VPS13D: variants seen among roughly 807,000 people sequenced by gnomAD.
VPS13D encodes the protein intermembrane lipid transfer protein VPS13D.
In VPS13D, 187 loss-of-function variants were observed where a neutral mutation model predicts 461.9. The ratio of observed to expected loss-of-function variants is 0.40; its 90% CI spans 0.36 to 0.46. The LOEUF is 0.46. VPS13D is among the 20% of genes least tolerant of loss of function. VPS13D has a pLI of 0.60. For missense variants in VPS13D, 4,711 were observed against 5,364.9 expected, an observed-to-expected ratio of 0.88 and a Z score of 3.81; for synonymous variants, 1,951 against 1,986.3, an observed-to-expected ratio of 0.98 and a Z score of 0.47.
intron 60 of VPS13D, among the ~76,000 whole-genome samples, chr1:12,390,138 T>TG (rs1390195027): frequency 6.6e-6 from 1 of 152,240 alleles, no homozygotes; most frequent in Non-Finnish European, 1.5e-5. Context: ...GGAGAACTAA[T>TG]GTTGCAGGAA....
In VPS13D at chr1:12,386,190, T is replaced by C. The variant is rs1256639218; in HGVS notation, c.11490T>C (p.Leu3830=). 6.2e-7 allele frequency: 1 copy of C among 1,610,408 alleles called. No homozygotes were observed. Among genetic ancestry groups the C allele is most frequent in the Admixed American group, 1.7e-5 (1 of 59,348 alleles). The change falls in exon 60 of 70, where the codon CTT becomes CTC. Residue 3830 remains leucine, a synonymous_variant. Coordinates refer to ENST00000620676, the MANE Select transcript of VPS13D (RefSeq NM_015378.4). ...NPDTEQELEV[L]VRLEGGIGLS... ...ATATTTTGGTTTCCTTTCAGGTGCT[T>C]GTGAGGTTAGAAGGTGGAATTGGGT...
At position 12,267,022 on chromosome 1, in the gene VPS13D, C is replaced by T. The variant is rs1641293216; in HGVS notation, c.1725+11C>T. On this transcript the variant is annotated intron_variant, in intron 14 of 69. Coordinates refer to ENST00000620676, the MANE Select transcript of VPS13D (RefSeq NM_015378.4). ...GTCTTCCCTAATCCAGTATGTACAA[C>T]AGTTGGATAGTTAATGTATCTAAGG... 6 of 1,562,390 alleles carry T rather than the reference C, an allele frequency of 3.8e-6. No homozygotes were observed. The East Asian group carries it at 1.1e-4, about 30-fold the overall frequency.
chr1:12,456,290 TC>T (rs1645326253), intron 66 of VPS13D, among the ~76,000 whole-genome samples, 160 bp downstream of exon 66: 1 of 151,852 alleles, frequency 6.6e-6, no homozygotes, highest in Non-Finnish European at 1.5e-5. Flanking sequence ...GATCATGAGG[TC>T]AGGAGTTTGA....
chr1:12,498,468 T>G (rs1645990108), intron 68 of VPS13D, among the ~76,000 whole-genome samples: 1 of 152,178 alleles, frequency 6.6e-6, no homozygotes, highest in Non-Finnish European at 1.5e-5. Context: ...TCTCATAGTT[T>G]CATGGTAGTA....
chr1:12,262,726 C>T (rs1377216679), intron 13 of VPS13D, among the ~76,000 whole-genome samples: 1 of 149,070 alleles, frequency 6.7e-6, no homozygotes, highest in Non-Finnish European at 1.5e-5. Flanking sequence ...TTTTTTGAGA[C>T]AGAGTCTTGC....
At chr1:12,460,951 A>G (rs150350700) in intron 67 of VPS13D, among the ~76,000 whole-genome samples, 3 of 152,130 alleles carry the variant, frequency 2.0e-5, no homozygotes, top group African/African-American at 4.8e-5. Flanking sequence ...CCATCCCCCC[A>G]GCAGGTCAGC....
Position 12,276,145 on chromosome 1 carries a change from A to G in VPS13D, c.2557A>G (p.Asn853Asp), listed in dbSNP as rs1486072063. Residue 853 changes from asparagine to aspartate, a missense_variant, in exon 19 of 70, where the codon AAC becomes GAC. By Grantham distance (23) the Asn-to-Asp change is conservative. This residue lies in a region of VPS13D where 4,411 missense variants were observed against 4,937.8 expected (regional missense o/e 0.89). Coordinates refer to ENST00000620676, the MANE Select transcript of VPS13D (RefSeq NM_015378.4). The surrounding 1 kb of genome is among the most constrained non-coding windows in gnomAD (Gnocchi z 4.5). ...ACCAACACATGTGGTAGAGAAGTTC[A>G]ACGTTCACCTACAGTTAGAGCGTCG... Reference protein sequence around the residue: ...VGPTHVVEKFNVHLQLERRLI... With the variant: ...VGPTHVVEKFDVHLQLERRLI... 3.1e-6 allele frequency: 5 copies of G among 1,614,056 alleles called. No individual in the cohort carries two copies. Among genetic ancestry groups the G allele is most frequent in the Non-Finnish European group, 4.2e-6 (5 of 1,180,032 alleles).
chr1:12,467,500 C>CA (rs1198181176), intron 67 of VPS13D, among the ~76,000 whole-genome samples: 1 of 152,208 alleles, frequency 6.6e-6, no homozygotes, highest in Non-Finnish European at 1.5e-5. Flanking sequence ...AGCATCTTAA[C>CA]AGTCCTTCAT....
Position 12,318,316 on chromosome 1 carries a change from G to A in VPS13D, c.7393G>A (p.Glu2465Lys). Residue 2465 changes from glutamate (E) to lysine (K), a missense_variant, in exon 31 of 70, where the codon GAG (glutamate) becomes AAG (lysine). Around this residue, in one of 3 missense-constraint regions of VPS13D, gnomAD observed 4,411 missense variants for 4,937.8 expected, o/e 0.89. Transcript: ENST00000620676. The stretch of plus-strand genomic sequence containing the variant: ...TCCTGTGTCCAATGAAAGGCACCTG[G>A]AGGTCAAGGTCAATGTAACAGGTGA... ...SLPVSNERHLEVKVNVTGTEF... is the reference protein window; with the variant it reads ...SLPVSNERHLKVKVNVTGTEF... 6.2e-7 allele frequency: 1 copy of A among 1,611,768 alleles called. No homozygotes were observed. Among genetic ancestry groups the A allele is most frequent in the Non-Finnish European group, 8.5e-7 (1 of 1,177,982 alleles).
chr1:12,374,727 C>CGTAT (rs770748184), intron 55 of VPS13D, among the ~76,000 whole-genome samples: 5 of 152,002 alleles, frequency 3.3e-5, no homozygotes, highest in Admixed American at 6.6e-5. Context: ...TATGTGTATG[C>CGTAT]GTATGTATGT....
chr1:12,496,126 C>T (rs1157254675), intron 67 of VPS13D, among the ~76,000 whole-genome samples: 2 of 152,208 alleles, frequency 1.3e-5, no homozygotes, highest in Admixed American at 1.3e-4. Context: ...GGGTTTTTTA[C>T]TCTTTCCCTT....
chr1:12,326,274 G>A (rs535296857), intron 35 of VPS13D, among the ~76,000 whole-genome samples: 25 of 111,716 alleles, frequency 2.2e-4, no homozygotes, highest in Non-Finnish European at 3.7e-4. Context: ...TTAACAATTC[G>A]AGCACCTTTT....
Position 12,368,456 on chromosome 1 carries a change from C to T in VPS13D, c.10449-12C>T. 2 of 1,596,884 alleles carry T rather than the reference C, an allele frequency of 1.3e-6. No homozygotes were observed. The highest frequency in any genetic ancestry group is 2.3e-5 in the South Asian group (2 of 88,172). ...CATTTTATGTAGCCTCTTTTGTTTC[C>T]TTGTCCTGCAGGGATACCTTGGGAA... On this transcript the variant is annotated splice_polypyrimidine_tract_variant and intron_variant, in intron 52 of 69. Transcript: ENST00000620676.
chr1:12,426,561 C>A (rs896037573), intron 65 of VPS13D, among the ~76,000 whole-genome samples: 2 of 152,186 alleles, frequency 1.3e-5, no homozygotes, highest in African/African-American at 4.8e-5. Context: ...TTTCCTTACC[C>A]TTTTCCCCTT....
chr1:12,498,690 C>T (rs553052671), intron 68 of VPS13D, among the ~76,000 whole-genome samples: 7 of 152,282 alleles, frequency 4.6e-5, no homozygotes, highest in African/African-American at 1.4e-4. Context: ...TGTCTTCTCA[C>T]AGTTCTAAAG....
At chr1:12,326,268 C>T (rs1448164793) in intron 35 of VPS13D, among the ~76,000 whole-genome samples, 1 of 123,928 alleles carries the variant, frequency 8.1e-6, no homozygotes. Flanking sequence ...CTTTCTTTAA[C>T]AATTCGAGCA....
intron 5 of VPS13D, among the ~76,000 whole-genome samples, chr1:12,246,418 C>T (rs1240320251): frequency 6.6e-6 from 1 of 152,132 alleles, no homozygotes; most frequent in African/African-American, 2.4e-5. Flanking sequence ...AAAGGAAATG[C>T]TCATTGGAGC....
intron 5 of VPS13D, among the ~76,000 whole-genome samples, chr1:12,247,886 A>ATTT (rs573458027): frequency 8.4e-6 from 1 of 118,844 alleles, no homozygotes; most frequent in Non-Finnish European, 1.8e-5. Flanking sequence ...GTATTTTTGT[A>ATTT]TTTTTTTTTT....
chr1:12,242,409 T>C (rs1569644500), intron 2 of VPS13D, 104 bp from the exon 3 acceptor site: 1 of 992,750 alleles, frequency 1.0e-6, no homozygotes, highest in Non-Finnish European at 1.5e-6. Flanking sequence ...ACGTAGCCTA[T>C]TCTATATGTA....
Sources: allele counts gnomAD v4.1 joint callset (sites outside exome capture counted in the v4.1 genomes callset), GRCh38; gene constraint gnomAD v4.1.1; regional missense constraint gnomAD v4.1.1; non-coding constraint Gnocchi (gnomAD v3.1); transcripts MANE v1.5; gene names NCBI Gene and HGNC (gene_info 2026-07-23, HGNC 2026-07-21).